Variants in MLLT10 observed in about 807,000 individuals in gnomAD.
MLLT10 encodes MLLT10 histone lysine methyltransferase DOT1L cofactor.
A neutral mutation model predicts 129.1 loss-of-function variants in MLLT10; 30 were observed. The ratio of observed to expected loss-of-function variants is 0.23; its 90% confidence interval spans 0.17 to 0.32. MLLT10 has a LOEUF of 0.32. Among genes scored for constraint, MLLT10 ranks in the 10% least tolerant of loss-of-function variants. The pLI is 1.00. For missense variants in MLLT10, 1,119 were observed against 1,268.3 expected, an observed-to-expected ratio of 0.88 and a Z score of 1.79; for synonymous variants, 490 against 446.4, an observed-to-expected ratio of 1.10 and a Z score of -1.23.
intron 3 of MLLT10, among the ~76,000 whole-genome samples, chr10:21,554,455 ATTTTTTTT>A (rs1169101928): frequency 7.2e-6 from 1 of 139,770 alleles, no homozygotes; most frequent in Admixed American, 7.2e-5. Flanking sequence ...CTTCACTTAA[ATTTTTTTT>A]TTTTTTTTTG....
intron 8 of MLLT10, chr10:21,626,203 T>C: frequency 6.2e-7 from 1 of 1,600,840 alleles, no homozygotes; most frequent in East Asian, 2.2e-5. Flanking sequence ...TGAACTGCTG[T>C]AGTACAGACA....
intron 10 of MLLT10, among the ~76,000 whole-genome samples, chr10:21,671,225 C>T (rs2051366727): frequency 6.6e-6 from 1 of 152,188 alleles, no homozygotes. Flanking sequence ...ACATGTTGGC[C>T]AGGCTGGTCT....
At chr10:21,672,615 A>C (rs1322130545) in intron 10 of MLLT10, among the ~76,000 whole-genome samples, 1 of 152,106 alleles carries the variant, frequency 6.6e-6, no homozygotes, top group Non-Finnish European at 1.5e-5. Flanking sequence ...TAAGTTTCTT[A>C]TATCTTAGAA....
chr10:21,554,872 A>G (rs576989230), intron 3 of MLLT10, among the ~76,000 whole-genome samples: 45 of 149,012 alleles, frequency 3.0e-4, no homozygotes, highest in Middle Eastern at 3.4e-3. Context: ...CCCAGGCTGG[A>G]GTGCATTGGT....
At chr10:21,538,092 C>T (rs1358000021) in intron 2 of MLLT10, among the ~76,000 whole-genome samples, 1 of 151,628 alleles carries the variant, frequency 6.6e-6, no homozygotes, top group Non-Finnish European at 1.5e-5. Flanking sequence ...CCTTGACTTC[C>T]CAGGCTCAAG....
At chr10:21,715,219 G>T (rs1011658398) in intron 14 of MLLT10, among the ~76,000 whole-genome samples, 1 of 152,196 alleles carries the variant, frequency 6.6e-6, no homozygotes, top group Non-Finnish European at 1.5e-5. Flanking sequence ...TGATGCATTT[G>T]TGTGAATGGC....
chr10:21,551,245 G>C (rs2036967663), intron 3 of MLLT10, among the ~76,000 whole-genome samples: 1 of 142,592 alleles, frequency 7.0e-6, no homozygotes, highest in Non-Finnish European at 1.5e-5. Flanking sequence ...TGATTTCTAA[G>C]TGCAAGAAGC....
chr10:21,612,216 A>G, intron 5 of MLLT10, 132 bp from the exon 6 acceptor site: 1 of 538,850 alleles, frequency 1.9e-6, no homozygotes, highest in Non-Finnish European at 3.3e-6. Flanking sequence ...ATTATTGTCC[A>G]AAATGAATTC....
At chr10:21,538,001 A>G (rs549243548) in intron 2 of MLLT10, among the ~76,000 whole-genome samples, 5 of 151,590 alleles carry the variant, frequency 3.3e-5, no homozygotes, top group South Asian at 4.2e-4. Flanking sequence ...TTAGAAATAA[A>G]CATACCTTTT....
chr10:21,649,567 A>T (rs960826303), intron 8 of MLLT10, among the ~76,000 whole-genome samples: 1 of 152,208 alleles, frequency 6.6e-6, no homozygotes, highest in Non-Finnish European at 1.5e-5. Context: ...GGATTCATTA[A>T]GCTGGTGGCT....
chr10:21,682,208 T>A lies in MLLT10; in HGVS notation c.1667-17T>A. ...AGAATGATCTTAACCTGAAGTCCTT[T>A]TTTCCTTACTTAAAAGCGTTCTCAG... On this transcript the variant is annotated splice_polypyrimidine_tract_variant and intron_variant, in intron 12 of 22. Transcript: ENST00000307729. 1 of 1,607,462 alleles carries A rather than the reference T, an allele frequency of 6.2e-7. No homozygotes were observed. The highest frequency in any genetic ancestry group is 8.5e-7 in the Non-Finnish European group (1 of 1,177,360).
chr10:21,666,526 G>A (rs2050814879), intron 9 of MLLT10, among the ~76,000 whole-genome samples: 1 of 152,014 alleles, frequency 6.6e-6, no homozygotes, highest in African/African-American at 2.4e-5. Context: ...AGCTGGGCAT[G>A]GTGGCAGGTG....
chr10:21,566,368 G>A (rs1588976858), intron 3 of MLLT10, among the ~76,000 whole-genome samples: 1 of 133,696 alleles, frequency 7.5e-6, no homozygotes, highest in African/African-American at 2.8e-5. Flanking sequence ...TCTTACTCTT[G>A]CCCAGGCTGG....
rs116426574 is a variant in MLLT10 at position 21,568,928 on chromosome 10, C to T, written c.241-17366C>T. On this transcript the variant is annotated intron_variant, in intron 3 of 22. Transcript: ENST00000307729. ...GAATTAACAGGCATGAGCCACTGCTCCTGGCCCCCACTGGTTATTTTAGAA... is the reference window on the plus strand; with the variant it reads ...GAATTAACAGGCATGAGCCACTGCTTCTGGCCCCCACTGGTTATTTTAGAA... 4.1e-3 allele frequency among the ~76,000 whole-genome samples: 632 copies of T among 152,340 alleles called. 3 individuals are homozygous for T. Among genetic ancestry groups the T allele is most frequent in the African/African-American group, 0.014 (582 of 41,586 alleles).
In MLLT10 at chr10:21,739,902, A is replaced by G. The variant is rs1025790829; in HGVS notation, c.2956-128A>G. The G allele has an allele frequency of 7.8e-5, 56 of 722,552 alleles. No homozygotes were observed. The East Asian group carries it at 1.5e-3, about 20-fold the overall frequency. The allele number at this position is 722,552 out of a possible 1,614,324, so 44.8% of individuals were successfully genotyped here. A position where few individuals can be genotyped will look rare whatever the true frequency, so the allele number is the denominator to read the frequency against. ...ATTATCTAGTGCAGCATATTTTTCT[A>G]GATGAGATACTTGTTTTCTTTCTTT... On this transcript the variant is annotated intron_variant, in intron 21 of 22. Coordinates refer to ENST00000307729, the MANE Select transcript of MLLT10 (RefSeq NM_001195626.3).
At chr10:21,585,770 T>C (rs1484194578) in intron 3 of MLLT10, among the ~76,000 whole-genome samples, 1 of 152,166 alleles carries the variant, frequency 6.6e-6, no homozygotes, top group East Asian at 1.9e-4. Context: ...AGTTTTGTTT[T>C]GTTTCTTTTA....
At chr10:21,611,744 A>G (rs950021737) in intron 5 of MLLT10, among the ~76,000 whole-genome samples, 5 of 152,078 alleles carry the variant, frequency 3.3e-5, no homozygotes, top group African/African-American at 1.2e-4. Flanking sequence ...TTGGCTTTGT[A>G]TCTCTTGGGC....
At chr10:21,736,974 GAGA>G (rs1402247013) in intron 21 of MLLT10, among the ~76,000 whole-genome samples, 5 of 152,344 alleles carry the variant, frequency 3.3e-5, no homozygotes, top group African/African-American at 7.2e-5. Context: ...AGTGAGCCAA[GAGA>G]AGGACAGTGT....
In MLLT10 at chr10:21,681,221, T is replaced by A. The variant is rs376505139; in HGVS notation, c.1622-111T>A. ...GTTTTTGAAGTTCTAGGTGGCCTAC[T>A]TAACTACACTTTTAGGTGAATTTCC... On this transcript the variant is annotated intron_variant, in intron 11 of 22. Transcript: ENST00000307729. The A allele has an allele frequency of 1.8e-5, 26 of 1,407,986 alleles. No individual in the cohort carries two copies. The East Asian group carries it at 3.3e-4, about 18-fold the overall frequency. The allele number at this position is 1,407,986 out of a possible 1,614,324, so 87.2% of individuals were successfully genotyped here. A position where few individuals can be genotyped will look rare whatever the true frequency, so the allele number is the denominator to read the frequency against.
Sources: allele counts gnomAD v4.1 joint callset (sites outside exome capture counted in the v4.1 genomes callset), GRCh38; gene constraint gnomAD v4.1.1; transcripts MANE v1.5; gene names NCBI Gene and HGNC (gene_info 2026-07-23, HGNC 2026-07-21).